The following EBF1 variants were observed in gnomAD, a reference collection of about 807,000 sequenced individuals.
EBF1 encodes the protein EBF transcription factor 1.
EBF1 carries 10 observed loss-of-function variants against 68.4 expected under a neutral mutation model. That is an observed-to-expected ratio of 0.15 (90% CI 0.09 to 0.25). The LOEUF (loss-of-function observed/expected upper bound fraction) is 0.25. Ranked by LOEUF, EBF1 falls within the 10% of genes least tolerant of loss-of-function variation. The pLI is 1.00. For missense variants in EBF1, 509 were observed against 794.4 expected (o/e 0.64, Z 4.32); for synonymous variants, 298 against 299.8 (o/e 0.99, Z 0.06).
At chr5:158,793,869 G>A (rs578067254) in intron 9 of EBF1, among the ~76,000 whole-genome samples, 1 of 152,252 alleles carries the variant, frequency 6.6e-6, no homozygotes, top group South Asian at 2.1e-4. Context: ...AAAATTGTGT[G>A]TGCCAAGTAG....
intron 10 of EBF1, among the ~76,000 whole-genome samples, chr5:158,763,605 C>T (rs556271206): frequency 1.4e-4 from 21 of 152,126 alleles, no homozygotes; most frequent in African/African-American, 5.1e-4. Context: ...ATTGGAAGGT[C>T]CAAGGAATTA....
chr5:158,962,122 A>C (rs1818293576), intron 6 of EBF1, among the ~76,000 whole-genome samples: 1 of 152,184 alleles, frequency 6.6e-6, no homozygotes, highest in Admixed American at 6.5e-5. Context: ...TGATCTGATA[A>C]AGCCGGTGGC....
intron 6 of EBF1, among the ~76,000 whole-genome samples, chr5:158,989,920 G>A (rs1759934526): frequency 6.6e-6 from 1 of 152,150 alleles, no homozygotes; most frequent in African/African-American, 2.4e-5. Context: ...TCAGGAACTT[G>A]CAGTCTTGGC....
intron 6 of EBF1, among the ~76,000 whole-genome samples, chr5:158,840,740 C>T (rs1280819766): frequency 1.0e-4 from 13 of 128,788 alleles, no homozygotes; most frequent in African/African-American, 3.4e-4. Flanking sequence ...GGCGGGATCT[C>T]GGCTCACTGC....
chr5:158,860,216 T>C (rs1359307718), intron 6 of EBF1, among the ~76,000 whole-genome samples: 2 of 152,314 alleles, frequency 1.3e-5, no homozygotes, highest in East Asian at 3.9e-4. Context: ...ACTAACATCA[T>C]CTTATTGAAT....
rs191151948 is a variant in EBF1 at position 158,696,436 on chromosome 5, G to A, written c.*2675C>T. ...ACCACTGCACATGGCTGACAGATGG[G>A]TAGTGTCTGTTGTCAAGGTCTAAGC... is the stretch of plus-strand genomic sequence containing the variant. On this transcript the variant is annotated 3_prime_UTR_variant, in exon 16 of 16. Coordinates refer to ENST00000313708, the MANE Select transcript of EBF1 (RefSeq NM_024007.5). 2 of 221,458 alleles carry A rather than the reference G, an allele frequency of 9.0e-6. No homozygotes were observed. The highest frequency in any genetic ancestry group is 1.8e-5 in the Non-Finnish European group (2 of 110,750). 13.7% of individuals were successfully genotyped at this position (221,458 alleles called of 1,614,324 possible).
chr5:158,765,297 T>G (rs1175273656), intron 10 of EBF1, among the ~76,000 whole-genome samples: 1 of 152,194 alleles, frequency 6.6e-6, no homozygotes, highest in African/African-American at 2.4e-5. Context: ...TCAGAGACAC[T>G]CCTTCATCTA....
chr5:159,028,728 G>A (rs1475370839), intron 6 of EBF1, among the ~76,000 whole-genome samples: 2 of 152,202 alleles, frequency 1.3e-5, no homozygotes, highest in African/African-American at 2.4e-5. Flanking sequence ...TGGATGACTG[G>A]GTGGCTTGAT....
chr5:158,874,707 G>A (rs1023811583), intron 6 of EBF1, among the ~76,000 whole-genome samples: 1 of 151,862 alleles, frequency 6.6e-6, no homozygotes, highest in African/African-American at 2.4e-5. Flanking sequence ...AGACTCGGCA[G>A]GAATTATGAG....
intron 6 of EBF1, among the ~76,000 whole-genome samples, chr5:158,939,580 G>A (rs2127465049): frequency 6.6e-6 from 1 of 152,254 alleles, no homozygotes; most frequent in East Asian, 1.9e-4. Flanking sequence ...GTCAAGTTTG[G>A]GTTTATTATG....
At chr5:158,719,487 C>T (rs1761483745) in intron 11 of EBF1, among the ~76,000 whole-genome samples, 1 of 152,132 alleles carries the variant, frequency 6.6e-6, no homozygotes, top group Non-Finnish European at 1.5e-5. Flanking sequence ...AGTTAAAAAT[C>T]TTAGGATTAT....
intron 6 of EBF1, among the ~76,000 whole-genome samples, chr5:158,957,472 G>C (rs985535024): frequency 1.3e-5 from 2 of 152,214 alleles, no homozygotes; most frequent in African/African-American, 4.8e-5. Context: ...ATCAACAGTT[G>C]TAGCTAAATG....
At chr5:158,823,395 ACAG>A in intron 7 of EBF1, 78 bp from the exon 8 acceptor site, 1 of 1,398,804 alleles carries the variant, frequency 7.1e-7, no homozygotes. Context: ...TAAATAAATA[ACAG>A]CTGGGAGCTG....
At chr5:158,766,264 G>T (rs1260793971) in intron 10 of EBF1, among the ~76,000 whole-genome samples, 1 of 152,062 alleles carries the variant, frequency 6.6e-6, no homozygotes, top group Non-Finnish European at 1.5e-5. Flanking sequence ...AAATCTTCCA[G>T]TGAAAGCACC....
chr5:158,890,128 G>T (rs1800887864), intron 6 of EBF1, among the ~76,000 whole-genome samples: 1 of 152,132 alleles, frequency 6.6e-6, no homozygotes, highest in Non-Finnish European at 1.5e-5. Flanking sequence ...CTAGGTTGTT[G>T]TGAGAATGCG....
intron 6 of EBF1, among the ~76,000 whole-genome samples, chr5:158,871,776 C>T (rs1582762265): frequency 6.6e-6 from 1 of 152,188 alleles, no homozygotes; most frequent in Non-Finnish European, 1.5e-5. Context: ...TCATTCATTG[C>T]AGAGTTGGGG....
chr5:159,022,223 G>C (rs771098940), intron 6 of EBF1, among the ~76,000 whole-genome samples: 4 of 152,196 alleles, frequency 2.6e-5, no homozygotes, highest in Non-Finnish European at 5.9e-5. Flanking sequence ...GATAGTTCAT[G>C]AATGTGTTGT....
In EBF1 at chr5:158,891,395, T is replaced by C. The variant is rs528140417; in HGVS notation, c.555-51285A>G. On this transcript the variant is annotated intron_variant, in intron 6 of 15. Coordinates refer to ENST00000313708, the MANE Select transcript of EBF1 (RefSeq NM_024007.5). ...TGGTAACAAAATCCTCTTCCCTTTT[T>C]ATTGATATATATGTGTATTTTTCCC... is the stretch of plus-strand genomic sequence containing the variant. Among the ~76,000 whole-genome samples the C allele has an allele frequency of 2.6e-5, 4 of 152,274 alleles. No homozygotes were observed. In the South Asian group the frequency reaches 8.3e-4, roughly 32 times the overall value.
intron 9 of EBF1, among the ~76,000 whole-genome samples, chr5:158,784,632 G>A (rs1051405594): frequency 1.3e-5 from 2 of 152,022 alleles, no homozygotes; most frequent in African/African-American, 2.4e-5. Flanking sequence ...GCACACCAGC[G>A]ATTTCTCATT....
Sources: allele counts gnomAD v4.1 joint callset (sites outside exome capture counted in the v4.1 genomes callset), GRCh38; gene constraint gnomAD v4.1.1; transcripts MANE v1.5; gene names NCBI Gene and HGNC (gene_info 2026-07-23, HGNC 2026-07-21).